Variants in FLT4 observed in about 807,000 individuals in gnomAD.
The protein encoded by FLT4 is vascular endothelial growth factor receptor 3.
In FLT4, 30 loss-of-function variants were observed where a neutral mutation model predicts 163.2. That is an observed-to-expected ratio of 0.18 (90% CI 0.14 to 0.25). The LOEUF (loss-of-function observed/expected upper bound fraction) is 0.25. Among genes scored for constraint, FLT4 ranks in the 10% least tolerant of loss-of-function variants. The probability of loss-of-function intolerance (pLI) is 1.00; values close to 1 mark genes in which losing one functional copy is unlikely to be tolerated. For synonymous variants in FLT4, 884 were observed against 789.5 expected (o/e 1.12, Z -2.01); for missense variants, 1,510 against 1,863.8 (o/e 0.81, Z 3.50).
chr5:180,609,166 C>T (rs1761984479), intron 28 of FLT4, 113 bp from the exon 29 acceptor site: 2 of 837,082 alleles, frequency 2.4e-6, no homozygotes, highest in Non-Finnish European at 4.1e-6. Flanking sequence ...GACCTAACAC[C>T]TGTCCCTGGG....
chr5:180,609,024 C>CA lies in FLT4; in HGVS notation c.3836dup (p.Ala1280GlyfsTer6). ...CTATCTGCTCAAACTCCTCCGAGGC[C>CA]AGCACCATCCCACTGTCTGTCTGGT... On this transcript the variant is annotated frameshift_variant, in exon 29 of 30. Transcript: ENST00000261937. LOFTEE classifies it high-confidence loss of function. The CA allele has an allele frequency of 6.2e-7, 1 of 1,614,220 alleles. No homozygotes were observed. The highest frequency in any genetic ancestry group is 8.5e-7 in the Non-Finnish European group (1 of 1,180,034).
At chr5:180,638,956 A>G (rs531883638) in intron 1 of FLT4, among the ~76,000 whole-genome samples, 1 of 148,406 alleles carries the variant, frequency 6.7e-6, no homozygotes, top group South Asian at 2.2e-4. Flanking sequence ...CCTGGCACAG[A>G]GTAAAGTCTC....
intron 23 of FLT4, among the ~76,000 whole-genome samples, chr5:180,614,887 C>T (rs758006559): frequency 6.6e-5 from 10 of 152,114 alleles, no homozygotes; most frequent in Non-Finnish European, 1.3e-4. Flanking sequence ...CCCTTTCTCC[C>T]CCAGGCGCGG....
chr5:180,608,303 G>A (rs760329941), intron 29 of FLT4: 31 of 700,666 alleles, frequency 4.4e-5, no homozygotes, highest in Admixed American at 8.0e-5. Context: ...GAAGGGCCCC[G>A]TCCCATGATC....
At chr5:180,614,620 C>T (rs1762493176) in intron 23 of FLT4, among the ~76,000 whole-genome samples, 1 of 152,104 alleles carries the variant, frequency 6.6e-6, no homozygotes, top group African/African-American at 2.4e-5. Flanking sequence ...CTCCTGGGCT[C>T]CTGAGGCATC....
rs1027130525 is a variant in FLT4, at chr5:180,636,277, G to A, written c.59-4499C>T. Among the ~76,000 whole-genome samples, 3 of 151,924 alleles carry A rather than the reference G, an allele frequency of 2.0e-5. No homozygotes were observed. The highest frequency in any genetic ancestry group is 6.6e-5 in the Admixed American group (1 of 15,254). ...ACCTTCCACTGTGCCCTGTGTGATCGGCAAACTTTGCTGTAGACCTCACTG... is the reference window on the plus strand; with the variant it reads ...ACCTTCCACTGTGCCCTGTGTGATCAGCAAACTTTGCTGTAGACCTCACTG... On this transcript the variant is annotated intron_variant, in intron 1 of 29. Transcript: ENST00000261937. This position sits in a 1 kb window ranked among gnomAD's most constrained non-coding sequence, Gnocchi z 4.3.
intron 1 of FLT4, among the ~76,000 whole-genome samples, chr5:180,634,326 C>T (rs1764391419): frequency 6.6e-6 from 1 of 152,204 alleles, no homozygotes; most frequent in Non-Finnish European, 1.5e-5. Flanking sequence ...TTTATGATCA[C>T]ATCTGAACAG....
rs1051985552 is a variant in FLT4, at chr5:180,618,806, C to G, written c.2965G>C (p.Glu989Gln). Residue 989 changes from glutamate (E) to glutamine (Q), a missense_variant, in exon 21 of 30, where the codon GAG becomes CAG. Coordinates refer to ENST00000261937, the MANE Select transcript of FLT4 (RefSeq NM_182925.5). ...RVLFARFSKT[E>Q]GGARRASPDQ... ...GGAGAAGCCCGCCTCGCTCCGCCCTCGGTCTTCGAGAACCGCGCGAAGAGG... is the reference window on the plus strand; with the variant it reads ...GGAGAAGCCCGCCTCGCTCCGCCCTGGGTCTTCGAGAACCGCGCGAAGAGG... 1.9e-6 allele frequency: 3 copies of G among 1,587,222 alleles called. No individual in the cohort carries two copies. Among genetic ancestry groups the G allele is most frequent in the African/African-American group, 1.3e-5 (1 of 74,430 alleles).
intron 11 of FLT4, 47 bp from the exon 12 acceptor site, chr5:180,622,886 C>A: frequency 1.6e-6 from 2 of 1,287,594 alleles, no homozygotes; most frequent in Non-Finnish European, 2.3e-6. Flanking sequence ...CAAGTTCTCC[C>A]AACCTGGGCC....
intron 21 of FLT4, 38 bp downstream of exon 21, chr5:180,618,732 G>T (rs374726300): frequency 3.2e-6 from 5 of 1,568,942 alleles, no homozygotes; most frequent in African/African-American, 1.4e-5. Flanking sequence ...AACCGGGCCC[G>T]TCAGGCACTA....
Position 180,616,451 on chromosome 5 carries a change from C to G in FLT4, c.3135G>C (p.Leu1045=), listed in dbSNP as rs546970544. 1 of 1,613,852 alleles carries G rather than the reference C, an allele frequency of 6.2e-7. No homozygotes were observed. Among genetic ancestry groups the G allele is most frequent in the Non-Finnish European group, 8.5e-7 (1 of 1,180,010 alleles). The change falls in exon 23 of 30, where the codon CTG becomes CTC. Residue 1045 remains leucine (L), a synonymous_variant. Transcript: ENST00000261937. ...AGATCTTCACCACGTCGCTTTCCGACAGCAGAATGTTCCGAGCAGCCAGGT... is the reference window on the plus strand; with the variant it reads ...AGATCTTCACCACGTCGCTTTCCGAGAGCAGAATGTTCCGAGCAGCCAGGT... ...HRDLAARNIL[L]SESDVVKICD...
At chr5:180,649,869 A>G (rs1485161960), upstream of FLT4, among the ~76,000 whole-genome samples, 2 of 152,130 alleles carry the variant, frequency 1.3e-5, no homozygotes, top group African/African-American at 4.8e-5. Context: ...GGGGAGCAAA[A>G]TGCGGCACGC....
intron 1 of FLT4, among the ~76,000 whole-genome samples, chr5:180,642,017 G>A (rs551027876): frequency 2.6e-4 from 40 of 152,222 alleles, no homozygotes; most frequent in Middle Eastern, 6.8e-3. Flanking sequence ...GACCATCCTG[G>A]CCAACATGGT....
rs557513846 is a variant in FLT4 at position 180,644,179 on chromosome 5, AG to A, written c.58+5308del. On this transcript the variant is annotated intron_variant, in intron 1 of 29. Transcript: ENST00000261937. Reference sequence around the variant, plus strand: ...TGTCTTTTCGTCGTGGCATATTCCCAGGATTGGACTTAGCCAGCAATTTACC... The same window carrying A: ...TGTCTTTTCGTCGTGGCATATTCCCAGATTGGACTTAGCCAGCAATTTACC... Among the ~76,000 whole-genome samples, 5 of 152,258 alleles carry A rather than the reference AG, an allele frequency of 3.3e-5. No individual in the cohort carries two copies. The East Asian group carries it at 9.7e-4, about 29-fold the overall frequency.
rs1762057755 is a variant in FLT4, at chr5:180,610,123, A to T, written c.3687-98T>A. The stretch of plus-strand genomic sequence containing the variant: ...TGTGCCCCCTCTTCTCCTGGAAAGG[A>T]CCCCCCGCCTGGGGCAGGAGTATGG... On this transcript the variant is annotated intron_variant, in intron 27 of 29. Coordinates refer to ENST00000261937, the MANE Select transcript of FLT4 (RefSeq NM_182925.5). 3 of 1,571,174 alleles carry T rather than the reference A, an allele frequency of 1.9e-6. No individual in the cohort carries two copies. In the South Asian group the frequency reaches 3.4e-5, roughly 18 times the overall value.
chr5:180,644,324 G>A (rs1765357868), intron 1 of FLT4, among the ~76,000 whole-genome samples: 1 of 152,228 alleles, frequency 6.6e-6, no homozygotes, highest in South Asian at 2.1e-4. Flanking sequence ...GTGCACGGAG[G>A]GGCACGCCGG....
In FLT4 at chr5:180,615,388, G is replaced by C. The variant is rs1762584404; in HGVS notation, c.3219+979C>G. 2.9e-5 allele frequency among the ~76,000 whole-genome samples: 4 copies of C among 139,910 alleles called. No homozygotes were observed. The South Asian group carries it at 9.1e-4, about 32-fold the overall frequency. 91.8% of individuals were successfully genotyped at this position (139,910 alleles called of 152,430 possible). Reference sequence around the variant, plus strand: ...CACTTCCGAAATCCACTTCCTTTCGGAGCACTGGGTCCCGCTGGTCACCTC... The same window carrying C: ...CACTTCCGAAATCCACTTCCTTTCGCAGCACTGGGTCCCGCTGGTCACCTC... On this transcript the variant is annotated intron_variant, in intron 23 of 29. Transcript: ENST00000261937.
intron 1 of FLT4, among the ~76,000 whole-genome samples, chr5:180,641,550 C>T (rs972168957): frequency 9.2e-5 from 14 of 152,166 alleles, no homozygotes; most frequent in African/African-American, 2.2e-4. Context: ...CGGGGAGCAA[C>T]GGAGCTGCTG....
At chr5:180,624,204 G>A (rs1361131601) in intron 10 of FLT4, 143 bp from the exon 11 acceptor site, 1 of 871,238 alleles carries the variant, frequency 1.1e-6, no homozygotes, top group Non-Finnish European at 1.8e-6. Flanking sequence ...CCTGGGTGAG[G>A]GAGATGGGAA....
Sources: allele counts gnomAD v4.1 joint callset (sites outside exome capture counted in the v4.1 genomes callset), GRCh38; gene constraint gnomAD v4.1.1; non-coding constraint Gnocchi (gnomAD v3.1); transcripts MANE v1.5; gene names NCBI Gene and HGNC (gene_info 2026-07-23, HGNC 2026-07-21).